The following MS4A14 variants were observed in gnomAD, a reference collection of about 807,000 sequenced individuals.
MS4A14 encodes the protein membrane spanning 4-domains A14, also known as membrane-spanning 4-domains subfamily A member 14.
Under a neutral mutation model 16.7 loss-of-function variants are expected in MS4A14, and 18 were observed. The ratio of observed to expected loss-of-function variants is 1.08; its 90% CI spans 0.75 to 1.60. The LOEUF is 1.60. Among genes scored for constraint, MS4A14 ranks in the 40% most tolerant of loss-of-function variants. The probability of loss-of-function intolerance (pLI) is 0.00; values close to 1 mark genes in which losing one functional copy is unlikely to be tolerated. For missense variants in MS4A14, 812 were observed against 775.3 expected (o/e 1.05, Z -0.56); for synonymous variants, 305 against 289.4 (o/e 1.05, Z -0.55).
At chr11:60,409,457 T>C (rs1256729539) in intron 4 of MS4A14, among the ~76,000 whole-genome samples, 5 of 151,938 alleles carry the variant, frequency 3.3e-5, no homozygotes, top group Non-Finnish European at 7.4e-5. Context: ...CTTAATATAA[T>C]GTCCTCCAGG....
chr11:60,404,304 T>G lies in MS4A14; in HGVS notation c.468+1243T>G, dbSNP rs138131980. Among the ~76,000 whole-genome samples, 24 of 152,346 alleles carry G rather than the reference T, an allele frequency of 1.6e-4. 1 individual carries two copies. In the East Asian group the frequency reaches 4.6e-3, roughly 29 times the overall value. On this transcript the variant is annotated intron_variant, in intron 4 of 4. Transcript: ENST00000300187. ...TACATAACTTAACAATTTCTTGCTGTAACCCAAACATCATAAGCTAAAAGA... is the reference window on the plus strand; with the variant it reads ...TACATAACTTAACAATTTCTTGCTGGAACCCAAACATCATAAGCTAAAAGA...
chr11:60,414,029 A>C (rs2085903049), intron 4 of MS4A14, among the ~76,000 whole-genome samples: 1 of 152,108 alleles, frequency 6.6e-6, no homozygotes, highest in African/African-American at 2.4e-5. Flanking sequence ...AAGAAGGATA[A>C]TAACTTCATA....
Position 60,417,080 on chromosome 11 carries a change from G to C in MS4A14, c.*72G>C. The C allele has an allele frequency of 6.6e-7, 1 of 1,520,632 alleles. No individual in the cohort carries two copies. The highest frequency in any genetic ancestry group is 1.4e-5 in the African/African-American group (1 of 71,996). The allele number at this position is 1,520,632 out of a possible 1,614,324, so 94.2% of individuals were successfully genotyped here. ...TGAAATGAAGCACTGGCAAACACAG[G>C]ATCTATTAGAGAAAGAAGCCCTAAA... On this transcript the variant is annotated 3_prime_UTR_variant, in exon 5 of 5. Coordinates refer to ENST00000300187, the MANE Select transcript of MS4A14 (RefSeq NM_032597.5).
intron 2 of MS4A14, among the ~76,000 whole-genome samples, chr11:60,398,891 A>C (rs913495646): frequency 3.9e-5 from 6 of 152,244 alleles, no homozygotes; most frequent in African/African-American, 1.4e-4. Context: ...TACTGTAGAA[A>C]ATCAAACAGA....
intron 2 of MS4A14, among the ~76,000 whole-genome samples, chr11:60,398,523 C>T (rs574445289): frequency 2.6e-5 from 4 of 152,206 alleles, no homozygotes; most frequent in Admixed American, 1.3e-4. Context: ...TAATTTTGTG[C>T]CATAATATTT....
intron 4 of MS4A14, chr11:60,405,921 A>G: frequency 6.5e-7 from 1 of 1,534,890 alleles, no homozygotes; most frequent in Non-Finnish European, 8.7e-7. Context: ...TCATCAGCAT[A>G]GCAGAGCTCA....
intron 4 of MS4A14, among the ~76,000 whole-genome samples, chr11:60,412,436 T>C (rs1338217834): frequency 6.6e-6 from 1 of 151,964 alleles, no homozygotes; most frequent in Non-Finnish European, 1.5e-5. Flanking sequence ...ATTTTCTATT[T>C]CTTCTTGAAT....
At chr11:60,409,511 T>C (rs1322333217) in intron 4 of MS4A14, among the ~76,000 whole-genome samples, 2 of 151,334 alleles carry the variant, frequency 1.3e-5, no homozygotes, top group South Asian at 2.1e-4. Context: ...TTCTGTTTTA[T>C]GGCTGAATAG....
intron 4 of MS4A14, chr11:60,404,771 A>G: frequency 5.9e-6 from 2 of 337,508 alleles, no homozygotes; most frequent in East Asian, 7.6e-5. Context: ...ATCTGCATAG[A>G]TCCCCCATTA....
At chr11:60,400,154 T>C (rs1288421321) in intron 2 of MS4A14, among the ~76,000 whole-genome samples, 1 of 152,152 alleles carries the variant, frequency 6.6e-6, no homozygotes, top group Non-Finnish European at 1.5e-5. Context: ...TCTGGTCCTC[T>C]GGATCTTAGA....
Position 60,416,818 on chromosome 11 carries a change from C to G in MS4A14, c.1850C>G (p.Pro617Arg). Residue 617 changes from proline (P) to arginine (R), a missense_variant, in exon 5 of 5, where the codon CCG becomes CGG. Coordinates refer to ENST00000300187, the MANE Select transcript of MS4A14 (RefSeq NM_032597.5). ...CAGCCGGCCCAAGAGAAGAAATCCC[C>G]GAAAGGACAATTCCAAAATGTTCAA... ...EDQPAQEKKSPKGQFQNVQAE... is the reference protein window; with the variant it reads ...EDQPAQEKKSRKGQFQNVQAE... The G allele has an allele frequency of 6.2e-7, 1 of 1,613,568 alleles. No individual in the cohort carries two copies.
In MS4A14 at chr11:60,402,938, T is replaced by A. The variant is rs761447232; in HGVS notation, c.345T>A (p.Val115=). ...GTCAAGGTGTCACGGGCATGAATGT[T>A]ATCAGCTCCTTGGTTGCGATAACTG... ...LLGQGVTGMN[V]ISSLVAITGI... is the part of the protein sequence containing the mutation. Residue 115 remains valine, a synonymous_variant, in exon 4 of 5, where the codon GTT becomes GTA. Transcript: ENST00000300187. 1.7e-5 allele frequency: 27 copies of A among 1,613,748 alleles called. No individual in the cohort carries two copies. The highest frequency in any genetic ancestry group is 7.6e-6 in the Non-Finnish European group (9 of 1,179,792).
At chr11:60,400,499 T>TTA (rs1431076234) in intron 3 of MS4A14, 45 bp downstream of exon 3, 1 of 1,362,454 alleles carries the variant, frequency 7.3e-7, no homozygotes, top group Non-Finnish European at 1.0e-6. Flanking sequence ...TCTATTTGTT[T>TTA]TATATCATCT....
chr11:60,409,051 G>C (rs2085829577), intron 4 of MS4A14, among the ~76,000 whole-genome samples: 1 of 151,936 alleles, frequency 6.6e-6, no homozygotes, highest in Non-Finnish European at 1.5e-5. Context: ...CATATTTATG[G>C]GGTACAGTGT....
Position 60,416,815 on chromosome 11 carries a change from C to G in MS4A14, c.1847C>G (p.Ser616Cys). 1 of 1,613,592 alleles carries G rather than the reference C, an allele frequency of 6.2e-7. No homozygotes were observed. Among genetic ancestry groups the G allele is most frequent in the Non-Finnish European group, 8.5e-7 (1 of 1,179,820 alleles). Residue 616 changes from serine to cysteine, a missense_variant, in exon 5 of 5, where the codon TCC becomes TGC. Transcript: ENST00000300187. ...GACCAGCCGGCCCAAGAGAAGAAAT[C>G]CCCGAAAGGACAATTCCAAAATGTT... The part of the protein sequence containing the change: ...TEDQPAQEKK[S>C]PKGQFQNVQA...
rs1020459509 is a variant in MS4A14, at chr11:60,416,546, A to G, written c.1578A>G (p.Gln526=). Reference sequence around the variant, plus strand: ...TAGATCAGCAAAGCAAAGGCTGGCAATCTCCAAAGCAGAAATCCTTAGACC... The same window carrying G: ...TAGATCAGCAAAGCAAAGGCTGGCAGTCTCCAAAGCAGAAATCCTTAGACC... The part of the protein sequence containing the change: ...HSLDQQSKGW[Q]SPKQKSLDQQ... Residue 526 remains glutamine, a synonymous_variant, in exon 5 of 5, where the codon CAA becomes CAG. Transcript: ENST00000300187. 1.2e-6 allele frequency: 2 copies of G among 1,613,850 alleles called. No homozygotes were observed. Among genetic ancestry groups the G allele is most frequent in the African/African-American group, 2.7e-5 (2 of 75,022 alleles).
chr11:60,416,636 A>T lies in MS4A14; in HGVS notation c.1668A>T (p.Gln556His). Residue 556 changes from glutamine (Q) to histidine (H), a missense_variant, in exon 5 of 5, where the codon CAA becomes CAT. By Grantham distance (24) the Gln-to-His change is conservative (BLOSUM62 0). Transcript: ENST00000300187. ...TAGATAAGCAAGCTCAACTTAATCA[A>T]ACTAAAGAGCAACTCCCAGATCAGC... ...HSVDKQAQLNQTKEQLPDQQA... is the reference protein window; with the variant it reads ...HSVDKQAQLNHTKEQLPDQQA... 6.2e-7 allele frequency: 1 copy of T among 1,613,882 alleles called. No homozygotes were observed. The highest frequency in any genetic ancestry group is 8.5e-7 in the Non-Finnish European group (1 of 1,179,948).
intron 1 of MS4A14, among the ~76,000 whole-genome samples, chr11:60,397,431 G>T (rs1203372340): frequency 6.6e-6 from 1 of 152,078 alleles, no homozygotes; most frequent in East Asian, 1.9e-4. Context: ...TATACTGAGT[G>T]CTGGAAAATG....
intron 4 of MS4A14, among the ~76,000 whole-genome samples, chr11:60,406,646 T>C (rs1183873145): frequency 6.6e-6 from 1 of 152,230 alleles, no homozygotes; most frequent in East Asian, 1.9e-4. Flanking sequence ...TTGTGATTTA[T>C]GGAGATTTCA....
Sources: gnomAD v4.1 joint callset for allele counts (sites outside exome capture counted in the v4.1 genomes callset) on GRCh38, gnomAD v4.1.1 for gene constraint, MANE v1.5 for transcripts, NCBI Gene and HGNC (gene_info 2026-07-23, HGNC 2026-07-21) for gene names.